The following CFAP96 variants were observed in gnomAD, a reference collection of about 807,000 sequenced individuals.
CFAP96 encodes cilia and flagella associated protein 96, also known as cilia-and flagella-associated protein 96.
chr4:185,408,450 G>A, the CFAP96 span: 1 of 1,608,542 alleles, frequency 6.2e-7, no homozygotes, highest in African/African-American at 1.3e-5. Flanking sequence ...ATACAGAGAA[G>A]AAACACAGTA....
At chr4:185,425,523 T>A in the CFAP96 span, among the ~76,000 whole-genome samples, 15 of 152,152 alleles carry the variant, frequency 9.9e-5, no homozygotes, top group African/African-American at 3.6e-4. Flanking sequence ...CCACGGGAAC[T>A]AGGGGAATAT....
At chr4:185,425,771 G>A in the CFAP96 span, 2 of 1,538,168 alleles carry the variant, frequency 1.3e-6, no homozygotes, top group African/African-American at 1.4e-5. Flanking sequence ...GACCCCGGCA[G>A]GACCAGCTCC....
At chr4:185,438,933 A>G in the CFAP96 span, among the ~76,000 whole-genome samples, 5 of 152,166 alleles carry the variant, frequency 3.3e-5, no homozygotes, top group South Asian at 2.1e-4. Flanking sequence ...GTTACCTCAC[A>G]TTCTTTCAGG....
At chr4:185,431,720 C>T in the CFAP96 span, among the ~76,000 whole-genome samples, 3 of 152,308 alleles carry the variant, frequency 2.0e-5, no homozygotes, top group East Asian at 5.8e-4. Flanking sequence ...TGAATTAGAT[C>T]ATTTTAAGGT....
At chr4:185,449,784 CTTATT>C in the CFAP96 span, 1 of 527,428 alleles carries the variant, frequency 1.9e-6, no homozygotes, top group Non-Finnish European at 3.3e-6. Context: ...AATTCTCTTC[CTTATT>C]TTAATACTAC....
chr4:185,415,444 T>C, the CFAP96 span: 1 of 1,067,602 alleles, frequency 9.4e-7, no homozygotes, highest in Middle Eastern at 3.1e-4. Context: ...GTAAAAAACT[T>C]GATTGGACCA....
chr4:185,424,217 G>A, the CFAP96 span, among the ~76,000 whole-genome samples: 1 of 151,814 alleles, frequency 6.6e-6, no homozygotes, highest in African/African-American at 2.4e-5. Context: ...AAGGTGGGAG[G>A]ACTGCTTGGG....
chr4:185,423,017 C>T, the CFAP96 span, among the ~76,000 whole-genome samples: 2 of 152,186 alleles, frequency 1.3e-5, no homozygotes. Flanking sequence ...CACCACCACG[C>T]CTGGCTAATT....
the CFAP96 span, chr4:185,422,398 C>A: frequency 1.1e-6 from 1 of 947,908 alleles, no homozygotes; most frequent in East Asian, 2.5e-5. Flanking sequence ...TCCTATCTCT[C>A]TCTCAGTTTC....
chr4:185,431,012 C>G, the CFAP96 span, among the ~76,000 whole-genome samples: 1 of 151,950 alleles, frequency 6.6e-6, no homozygotes, highest in East Asian at 1.9e-4. Flanking sequence ...GAGTTCAAGA[C>G]CAGCCTGAGA....
the CFAP96 span, among the ~76,000 whole-genome samples, chr4:185,435,173 G>C: frequency 6.6e-6 from 1 of 152,108 alleles, no homozygotes; most frequent in East Asian, 1.9e-4. Context: ...CTATTTCCTT[G>C]TTGTATTTTA....
chr4:185,418,611 C>T, the CFAP96 span: 2 of 1,613,390 alleles, frequency 1.2e-6, no homozygotes, highest in East Asian at 2.2e-5. Context: ...TATGTTCTTA[C>T]AAGCAGAAGC....
chr4:185,446,291 T>A, the CFAP96 span, among the ~76,000 whole-genome samples: 4 of 152,332 alleles, frequency 2.6e-5, no homozygotes, highest in African/African-American at 4.8e-5. Flanking sequence ...CAAAATATGA[T>A]TTTGAATACA....
At chr4:185,443,343 T>TATATATATATA in the CFAP96 span, among the ~76,000 whole-genome samples, 4 of 19,210 alleles carry the variant, frequency 2.1e-4, no homozygotes, top group Non-Finnish European at 2.9e-4. Context: ...TATATATATA[T>TATATATATATA]TTTTTTTTTT....
At chr4:185,426,075 T>G in the CFAP96 span, 1 of 611,524 alleles carries the variant, frequency 1.6e-6, no homozygotes, top group Non-Finnish European at 3.0e-6. Flanking sequence ...CGAAGACTTA[T>G]GTTTGGTAAA....
chr4:185,440,554 G>A, the CFAP96 span: 3 of 1,517,664 alleles, frequency 2.0e-6, no homozygotes, highest in Middle Eastern at 1.7e-4. Context: ...CGAATGAAGA[G>A]CACCATCGTT....
the CFAP96 span, chr4:185,418,686 C>G: frequency 3.1e-6 from 5 of 1,613,926 alleles, no homozygotes; most frequent in East Asian, 8.9e-5. Context: ...TGAACTGTGG[C>G]AAATTCTGAA....
the CFAP96 span, chr4:185,415,190 C>A: frequency 6.2e-7 from 1 of 1,605,096 alleles, no homozygotes; most frequent in Non-Finnish European, 8.5e-7. Flanking sequence ...TCTGGTATTC[C>A]TGAAGGATAT....
At chr4:185,432,158 A>T in the CFAP96 span, 1 of 1,551,834 alleles carries the variant, frequency 6.4e-7, no homozygotes, top group South Asian at 1.2e-5. Context: ...AGCCAAAAAA[A>T]ATCTAGGCAA....
Sources: gnomAD v4.1 joint callset for allele counts (sites outside exome capture counted in the v4.1 genomes callset) on GRCh38, gnomAD v4.1.1 for gene constraint, MANE v1.5 for transcripts, NCBI Gene and HGNC (gene_info 2026-07-23, HGNC 2026-07-21) for gene names.